Variants in CSMD1 observed in about 807,000 individuals in gnomAD.
CSMD1 encodes CUB and sushi domain-containing protein 1.
A neutral mutation model predicts 417.5 loss-of-function variants in CSMD1; 213 were observed. The observed-to-expected ratio is 0.51, with a 90% confidence interval of 0.46 to 0.57. CSMD1 has a LOEUF of 0.57. CSMD1 is among the 20% of genes least tolerant of loss of function. The pLI is 0.00. For missense variants in CSMD1, 6,923 were observed against 4,529.7 expected, an observed-to-expected ratio of 1.53 and a Z score of -15.17; for synonymous variants, 2,862 against 1,736.8, an observed-to-expected ratio of 1.65 and a Z score of -16.11.
chr8:4,319,984 T>C (rs1427274815), intron 3 of CSMD1, among the ~76,000 whole-genome samples: 1 of 152,064 alleles, frequency 6.6e-6, no homozygotes, highest in Non-Finnish European at 1.5e-5. Context: ...TGGAAAAATA[T>C]CATAAAATAG....
intron 9 of CSMD1, among the ~76,000 whole-genome samples, chr8:3,579,800 C>T (rs1253910310): frequency 2.0e-5 from 3 of 152,206 alleles, no homozygotes; most frequent in Non-Finnish European, 4.4e-5. Context: ...GCATTTACTA[C>T]ATGGCCTGAC....
At chr8:4,850,437 C>CT (rs1330075376) in intron 1 of CSMD1, among the ~76,000 whole-genome samples, 3 of 50,180 alleles carry the variant, frequency 6.0e-5, no homozygotes, top group African/African-American at 1.6e-4. Flanking sequence ...CATCTTTACT[C>CT]TTTTTTCATT....
intron 33 of CSMD1, among the ~76,000 whole-genome samples, chr8:3,196,042 A>C (rs749180942): frequency 1.6e-4 from 24 of 152,296 alleles, no homozygotes; most frequent in Non-Finnish European, 2.5e-4. Context: ...GGTATAGATC[A>C]CAAAGACCTT....
chr8:4,590,320 T>C (rs776941673), intron 2 of CSMD1, among the ~76,000 whole-genome samples: 2 of 152,134 alleles, frequency 1.3e-5, no homozygotes, highest in Non-Finnish European at 2.9e-5. Context: ...TGGATTTCCA[T>C]GAAAACAAAA....
At chr8:4,494,429 G>C (rs1801876943) in intron 2 of CSMD1, among the ~76,000 whole-genome samples, 1 of 152,140 alleles carries the variant, frequency 6.6e-6, no homozygotes, top group Non-Finnish European at 1.5e-5. Context: ...CCTACAATTA[G>C]TTTATCGCAT....
At chr8:3,860,353 AG>A (rs1213670057) in intron 5 of CSMD1, among the ~76,000 whole-genome samples, 4 of 152,316 alleles carry the variant, frequency 2.6e-5, no homozygotes, top group African/African-American at 9.6e-5. Flanking sequence ...GGGCAATTTC[AG>A]TTCATTTTTA....
chr8:4,430,077 A>G (rs984703881), intron 2 of CSMD1, among the ~76,000 whole-genome samples: 1 of 152,324 alleles, frequency 6.6e-6, no homozygotes, highest in Admixed American at 6.5e-5. Flanking sequence ...AGCAGAAACA[A>G]AACTTAATGT....
At chr8:4,968,007 C>T (rs553973481) in intron 1 of CSMD1, among the ~76,000 whole-genome samples, 2 of 152,008 alleles carry the variant, frequency 1.3e-5, no homozygotes, top group Admixed American at 6.6e-5. Context: ...AAATTGGCAT[C>T]ATTTTATATA....
At chr8:3,369,450 G>A (rs1809809414) in intron 18 of CSMD1, 80 bp from the exon 19 acceptor site, 5 of 698,510 alleles carry the variant, frequency 7.2e-6, no homozygotes, top group Non-Finnish European at 1.3e-5. Flanking sequence ...TAAATGGCAT[G>A]CAATTTGCAC....
At chr8:4,947,482 T>C (rs561726938) in intron 1 of CSMD1, among the ~76,000 whole-genome samples, 1 of 152,094 alleles carries the variant, frequency 6.6e-6, no homozygotes, top group East Asian at 1.9e-4. Flanking sequence ...TCATCAACAA[T>C]GAGAAAATGA....
chr8:4,390,525 A>G (rs185063526), intron 3 of CSMD1, among the ~76,000 whole-genome samples: 10 of 150,724 alleles, frequency 6.6e-5, no homozygotes, highest in Admixed American at 4.6e-4. Context: ...TTATTTATTT[A>G]TTTTTTGAGA....
chr8:3,909,851 T>C (rs1254979447), intron 5 of CSMD1, among the ~76,000 whole-genome samples: 1 of 152,148 alleles, frequency 6.6e-6, no homozygotes, highest in Non-Finnish European at 1.5e-5. Flanking sequence ...TATGTCCTGC[T>C]GTATACAAGT....
chr8:3,094,892 T>C lies in CSMD1; in HGVS notation c.7138+1957A>G, dbSNP rs376071765. Among the ~76,000 whole-genome samples the C allele has an allele frequency of 5.3e-5, 8 of 150,336 alleles. No homozygotes were observed. The South Asian group carries it at 1.7e-3, about 31-fold the overall frequency. On this transcript the variant is annotated intron_variant, in intron 47 of 69. Transcript: ENST00000635120. Reference sequence around the variant, plus strand: ...ACAAAAATGTCATCGCTTAAAAACATATTCACATAAAACTCTGACCTTTCA... The same window carrying C: ...ACAAAAATGTCATCGCTTAAAAACACATTCACATAAAACTCTGACCTTTCA...
intron 33 of CSMD1, among the ~76,000 whole-genome samples, chr8:3,194,439 T>C (rs147648073): frequency 2.1e-5 from 3 of 143,690 alleles, no homozygotes; most frequent in African/African-American, 8.4e-5. Flanking sequence ...TATTTTATTT[T>C]ATTTTATTTT....
At chr8:4,026,424 C>G (rs1797068530) in intron 4 of CSMD1, among the ~76,000 whole-genome samples, 1 of 152,192 alleles carries the variant, frequency 6.6e-6, no homozygotes, top group Non-Finnish European at 1.5e-5. Flanking sequence ...AGGAAAGACA[C>G]TTAGCTGACT....
At chr8:3,133,544 G>C (rs1264676264) in intron 41 of CSMD1, among the ~76,000 whole-genome samples, 1 of 152,210 alleles carries the variant, frequency 6.6e-6, no homozygotes, top group Non-Finnish European at 1.5e-5. Context: ...GCAGACGAGA[G>C]TGAAGCCCCT....
At chr8:4,347,586 G>A (rs1024024115) in intron 3 of CSMD1, among the ~76,000 whole-genome samples, 1 of 152,162 alleles carries the variant, frequency 6.6e-6, no homozygotes, top group African/African-American at 2.4e-5. Flanking sequence ...GTTCGCCAAA[G>A]AGAATGTAGA....
intron 2 of CSMD1, among the ~76,000 whole-genome samples, chr8:4,630,681 C>G (rs929147709): frequency 1.3e-5 from 2 of 152,140 alleles, no homozygotes; most frequent in Non-Finnish European, 2.9e-5. Flanking sequence ...ATAGGTTTAT[C>G]TGAGTGGACC....
chr8:3,839,683 C>A (rs1454980452), intron 5 of CSMD1, among the ~76,000 whole-genome samples: 1 of 148,142 alleles, frequency 6.8e-6, no homozygotes, highest in African/African-American at 2.5e-5. Context: ...CTATCTCCTT[C>A]ATTTGGGAGC....
Sources: gnomAD v4.1 joint callset for allele counts (sites outside exome capture counted in the v4.1 genomes callset) on GRCh38, gnomAD v4.1.1 for gene constraint, MANE v1.5 for transcripts, NCBI Gene and HGNC (gene_info 2026-07-23, HGNC 2026-07-21) for gene names.